The following GPSM2 variants were observed in gnomAD, a reference collection of about 807,000 sequenced individuals.
GPSM2 encodes the protein G protein signaling modulator 2.
In GPSM2, 58 loss-of-function variants were observed where a neutral mutation model predicts 78.4. The observed-to-expected ratio is 0.74, with a 90% CI of 0.60 to 0.92. The LOEUF is 0.92. Among genes scored for constraint, GPSM2 ranks in the 40% least tolerant of loss-of-function variants. The probability of loss-of-function intolerance (pLI) is 0.00; values close to 1 mark genes in which losing one functional copy is unlikely to be tolerated. For missense variants in GPSM2, 700 were observed against 815.5 expected (o/e 0.86, Z 1.73); for synonymous variants, 224 against 280.2 (o/e 0.80, Z 2.00).
intron 13 of GPSM2, among the ~76,000 whole-genome samples, chr1:108,923,472 G>C (rs891949765): frequency 1.3e-5 from 1 of 74,316 alleles, no homozygotes; most frequent in African/African-American, 1.2e-4. Context: ...TATGGCTAAG[G>C]CTGAGGCTAA....
chr1:108,918,900 T>C (rs749741334), intron 12 of GPSM2, 111 bp downstream of exon 12: 7 of 721,468 alleles, frequency 9.7e-6, no homozygotes, highest in Non-Finnish European at 1.2e-5. Flanking sequence ...ATATAAAATA[T>C]CTTTGTATTC....
chr1:108,883,973 A>G (rs1418440056), intron 1 of GPSM2, among the ~76,000 whole-genome samples: 1 of 152,110 alleles, frequency 6.6e-6, no homozygotes, highest in East Asian at 1.9e-4. Flanking sequence ...GCGCAGTGGC[A>G]TAATCTTGGC....
At chr1:108,908,741 C>T (rs1337227093) in intron 10 of GPSM2, among the ~76,000 whole-genome samples, 1 of 82,728 alleles carries the variant, frequency 1.2e-5, no homozygotes, top group Non-Finnish European at 2.4e-5. Flanking sequence ...ACACACACGC[C>T]GGGGCAGTGG....
At chr1:108,920,948 TTATG>T (rs932220533) in intron 12 of GPSM2, among the ~76,000 whole-genome samples, 39 of 152,296 alleles carry the variant, frequency 2.6e-4, no homozygotes, top group African/African-American at 8.2e-4. Context: ...TGACTGTAGC[TTATG>T]TATGTATCAT....
At chr1:108,919,101 G>A (rs543545280) in intron 12 of GPSM2, among the ~76,000 whole-genome samples, 6 of 151,800 alleles carry the variant, frequency 4.0e-5, no homozygotes, top group African/African-American at 9.7e-5. Context: ...TCTGCCTCCC[G>A]GGTTCAAGCG....
Position 108,922,488 on chromosome 1 carries a change from G to A in GPSM2, c.1512G>A (p.Met504Ile). The A allele has an allele frequency of 6.2e-7, 1 of 1,611,324 alleles. No homozygotes were observed. The change falls in exon 13 of 15, where the codon ATG (methionine) becomes ATA (isoleucine). Residue 504 changes from methionine to isoleucine, a missense_variant. Met to Ile is a conservative substitution (Grantham distance 10). Coordinates refer to ENST00000264126, the MANE Select transcript of GPSM2 (RefSeq NM_013296.5). ...DLLSRFQSNR[M>I]DDQRCCLQEK... is the part of the protein sequence containing the mutation. ...TAAGCCGATTTCAAAGCAATAGGATGGATGATCAGAGATGTTGCTTACAAG... is the reference window on the plus strand; with the variant it reads ...TAAGCCGATTTCAAAGCAATAGGATAGATGATCAGAGATGTTGCTTACAAG...
chr1:108,906,174 T>C (rs1649202454), intron 10 of GPSM2, among the ~76,000 whole-genome samples: 2 of 152,262 alleles, frequency 1.3e-5, no homozygotes, highest in Admixed American at 6.5e-5. Flanking sequence ...AGTATCACCA[T>C]TCACTCAACT....
intron 10 of GPSM2, among the ~76,000 whole-genome samples, chr1:108,907,580 C>G (rs1283888251): frequency 6.6e-6 from 1 of 151,782 alleles, no homozygotes; most frequent in Non-Finnish European, 1.5e-5. Context: ...TGTGGTTGAA[C>G]GTTTACAGAA....
chr1:108,917,057 T>G lies in GPSM2; in HGVS notation c.1264-1556T>G, dbSNP rs115802289. On this transcript the variant is annotated intron_variant, in intron 11 of 14. Transcript: ENST00000264126. Reference sequence around the variant, plus strand: ...ACATTGCTTCGCCCTGTATTCTTGTTTTCAGTATTGTTGAGAAGTTCAAAT... The same window carrying G: ...ACATTGCTTCGCCCTGTATTCTTGTGTTCAGTATTGTTGAGAAGTTCAAAT... Among the ~76,000 whole-genome samples, 732 of 152,340 alleles carry G rather than the reference T, an allele frequency of 4.8e-3. 11 individuals are homozygous for G. The highest frequency in any genetic ancestry group is 0.017 in the African/African-American group (693 of 41,584).
In GPSM2 at chr1:108,914,398, C is replaced by T. The variant is rs1330009114; in HGVS notation, c.1253C>T (p.Thr418Ile). ...SMENMELMKL[T>I]PEKVQNWNSE... ...GAAAATATGGAACTTATGAAGTTAACACCAGAAAAGGTGGGTGGCAGGTTT... is the reference window on the plus strand; with the variant it reads ...GAAAATATGGAACTTATGAAGTTAATACCAGAAAAGGTGGGTGGCAGGTTT... Residue 418 changes from threonine (T) to isoleucine (I), a missense_variant, in exon 11 of 15, where the codon ACA becomes ATA. Thr to Ile is a moderately conservative substitution (Grantham distance 89, BLOSUM62 -1). Transcript: ENST00000264126. 5.6e-6 allele frequency: 9 copies of T among 1,607,760 alleles called. No homozygotes were observed. The highest frequency in any genetic ancestry group is 5.0e-5 in the Admixed American group (3 of 59,982).
Position 108,931,301 on chromosome 1 carries a change from T to C in GPSM2, c.*1361T>C, listed in dbSNP as rs1651908656. 11 of 1,539,734 alleles carry C rather than the reference T, an allele frequency of 7.1e-6. No individual in the cohort carries two copies. In the East Asian group the frequency reaches 2.7e-4, roughly 38 times the overall value. ...CCTTAGTTGTCATTAAGCTTTGTCTTCCTTATCCCAGATATTGAAGGCAGT... is the reference window on the plus strand; with the variant it reads ...CCTTAGTTGTCATTAAGCTTTGTCTCCCTTATCCCAGATATTGAAGGCAGT... On this transcript the variant is annotated 3_prime_UTR_variant, in exon 15 of 15. Coordinates refer to ENST00000264126, the MANE Select transcript of GPSM2 (RefSeq NM_013296.5).
In GPSM2 at chr1:108,908,728, A is replaced by AACACACACACACACACACAC. The variant is rs71591128; in HGVS notation, c.1192+4484_1192+4485insACACACACACACACACACAC. ...CAGCCAGACTCCATCTCAAAACACAAACACACACACGCCGGGGCAGTGGCT... is the reference window on the plus strand; with the variant it reads ...CAGCCAGACTCCATCTCAAAACACAAACACACACACACACACACACACACACACACGCCGGGGCAGTGGCT... On this transcript the variant is annotated intron_variant, in intron 10 of 14. Coordinates refer to ENST00000264126, the MANE Select transcript of GPSM2 (RefSeq NM_013296.5). Among the ~76,000 whole-genome samples, 68 of 148,464 alleles carry AACACACACACACACACACAC rather than the reference A, an allele frequency of 4.6e-4. 2 individuals are homozygous for AACACACACACACACACACAC. In the East Asian group the frequency reaches 4.9e-3, roughly 11 times the overall value.
rs11102655 is a variant in GPSM2, at chr1:108,924,447, G to A, written c.1815+233G>A. On this transcript the variant is annotated intron_variant, in intron 14 of 14. Coordinates refer to ENST00000264126, the MANE Select transcript of GPSM2 (RefSeq NM_013296.5). ...TTTTAGGAGAGACGTGTGTGTGTGT[G>A]TATATATATAGAGAGAGAGTATATG... is the stretch of plus-strand genomic sequence containing the variant. The A allele has an allele frequency of 0.12, 67,894 of 553,060 alleles. 4,206 individuals are homozygous for A. Among genetic ancestry groups the A allele is most frequent in the Middle Eastern group, 0.14 (271 of 1,978 alleles). 34.3% of individuals were successfully genotyped at this position (553,060 alleles called of 1,614,324 possible).
At position 108,931,628 on chromosome 1, in the gene GPSM2, T is replaced by TAAA. The variant is rs71593448; in HGVS notation, c.*1701_*1703dup. On this transcript the variant is annotated 3_prime_UTR_variant, in exon 15 of 15. Coordinates refer to ENST00000264126, the MANE Select transcript of GPSM2 (RefSeq NM_013296.5). ...GAATTAATTACATTAAGTGCTCAGC[T>TAAA]AAAAAAAAAAAAAAAGTTCTAAATT... is the stretch of plus-strand genomic sequence containing the variant. 13,072 of 809,510 alleles carry TAAA rather than the reference T, an allele frequency of 0.016. 207 individuals are homozygous for TAAA. Among genetic ancestry groups the TAAA allele is most frequent in the African/African-American group, 0.082 (4,238 of 51,580 alleles). 50.1% of individuals were successfully genotyped at this position (809,510 alleles called of 1,614,324 possible).
intron 7 of GPSM2, among the ~76,000 whole-genome samples, chr1:108,900,429 G>A (rs898820117): frequency 6.6e-6 from 1 of 151,946 alleles, no homozygotes; most frequent in East Asian, 1.9e-4. Context: ...AGTAGAGACG[G>A]GGTTTCGCCA....
intron 12 of GPSM2, among the ~76,000 whole-genome samples, chr1:108,920,891 G>C (rs1267607771): frequency 6.6e-6 from 1 of 152,078 alleles, no homozygotes; most frequent in Non-Finnish European, 1.5e-5. Flanking sequence ...TGAATTCTAG[G>C]CTTTTTTGCC....
Position 108,932,375 on chromosome 1 carries a change from T to TAACA in GPSM2, c.*2440_*2443dup, listed in dbSNP as rs1346700639. ...TTATCTCATCTCATCTCTTTTCTGA[T>TAACA]AACAAACACCCGATGTGTTCAATTT... On this transcript the variant is annotated 3_prime_UTR_variant, in exon 15 of 15. Transcript: ENST00000264126. 17 of 152,356 alleles carry TAACA rather than the reference T, an allele frequency of 1.1e-4. No homozygotes were observed. The highest frequency in any genetic ancestry group is 4.1e-4 in the African/African-American group (17 of 41,576). 9.4% of individuals were successfully genotyped at this position (152,356 alleles called of 1,614,324 possible). A position where few individuals can be genotyped will look rare whatever the true frequency, so the allele number is the denominator to read the frequency against.
intron 10 of GPSM2, among the ~76,000 whole-genome samples, chr1:108,912,319 A>G (rs1488180733): frequency 6.6e-6 from 1 of 152,218 alleles, no homozygotes; most frequent in East Asian, 1.9e-4. Flanking sequence ...CTGTTGGCAT[A>G]AAGACAAATA....
At chr1:108,903,365 A>G (rs972298800) in intron 9 of GPSM2, 131 bp downstream of exon 9, 3 of 644,788 alleles carry the variant, frequency 4.7e-6, no homozygotes, top group African/African-American at 3.6e-5. Context: ...TTCTCTTGGC[A>G]TAAGAACCCC....
Sources: gnomAD v4.1 joint callset for allele counts (sites outside exome capture counted in the v4.1 genomes callset) on GRCh38, gnomAD v4.1.1 for gene constraint, MANE v1.5 for transcripts, NCBI Gene and HGNC (gene_info 2026-07-23, HGNC 2026-07-21) for gene names.